TRRAP: variants seen among roughly 807,000 people sequenced by gnomAD.
The protein encoded by TRRAP is transformation/transcription domain-associated protein.
In TRRAP, 41 loss-of-function variants were observed where a neutral mutation model predicts 438.8. The observed-to-expected ratio is 0.09, with a 90% CI of 0.07 to 0.12. The LOEUF (loss-of-function observed/expected upper bound fraction) is 0.12. Among genes scored for constraint, TRRAP ranks in the 10% least tolerant of loss-of-function variants. TRRAP has a pLI of 1.00. For missense variants in TRRAP, 3,122 were observed against 5,055.1 expected, an observed-to-expected ratio of 0.62 and a Z score of 11.60; for synonymous variants, 1,994 against 1,962.9, an observed-to-expected ratio of 1.02 and a Z score of -0.42.
rs1382050303 is a variant in TRRAP, at chr7:98,903,444, A to T, written c.963A>T (p.Pro321=). ...KGMLQLLSNC[P]AETAHLRKEL... is the part of the protein sequence containing the mutation. ...TGCTCCAGTTACTTTCAAATTGTCC[A>T]GCAGAGACTGCACACCTCAGAAAGG... The change falls in exon 12 of 73, where the codon CCA becomes CCT. Residue 321 remains proline (P), a synonymous_variant. Coordinates refer to ENST00000456197, the MANE Select transcript of TRRAP (RefSeq NM_001375524.1). 1 of 1,614,130 alleles carries T rather than the reference A, an allele frequency of 6.2e-7. No homozygotes were observed. Among genetic ancestry groups the T allele is most frequent in the African/African-American group, 1.3e-5 (1 of 74,942 alleles).
chr7:98,946,384 C>T (rs1435843539), intron 33 of TRRAP, among the ~76,000 whole-genome samples: 1 of 152,120 alleles, frequency 6.6e-6, no homozygotes, highest in Non-Finnish European at 1.5e-5. Flanking sequence ...CACTCACCCA[C>T]CCAGTCCCCT....
rs1554408648 is a variant in TRRAP at position 98,911,148 on chromosome 7, G to A, written c.1884G>A (p.Glu628=). The A allele has an allele frequency of 6.2e-7, 1 of 1,614,084 alleles. No individual in the cohort carries two copies. Among genetic ancestry groups the A allele is most frequent in the African/African-American group, 1.3e-5 (1 of 74,934 alleles). ...GCCAGACTGTGAGAATGAAAGAGGA[G>A]AAGGAGGTATTGGAGCATTTCGCTG... ...ANCQTVRMKE[E]KEVLEHFAGV... The change falls in exon 17 of 73, where the codon GAG becomes GAA. Residue 628 remains glutamate, a synonymous_variant. Coordinates refer to ENST00000456197, the MANE Select transcript of TRRAP (RefSeq NM_001375524.1).
At chr7:98,952,968 A>G (rs1791404845) in intron 39 of TRRAP, among the ~76,000 whole-genome samples, 199 bp from the exon 40 acceptor site, 3 of 151,894 alleles carry the variant, frequency 2.0e-5, no homozygotes, top group South Asian at 4.2e-4. Flanking sequence ...CTCCTTTCAC[A>G]TATATGTGAA....
intron 58 of TRRAP, 86 bp downstream of exon 58, chr7:98,978,990 CA>C: frequency 6.4e-7 from 1 of 1,556,826 alleles, no homozygotes; most frequent in Non-Finnish European, 8.7e-7. Flanking sequence ...TCCCTTAGAA[CA>C]AGCATTTTGG....
In TRRAP at chr7:98,910,234, C is replaced by T. The variant is rs541711765; in HGVS notation, c.1529C>T (p.Pro510Leu). 1.7e-5 allele frequency: 24 copies of T among 1,435,436 alleles called. No individual in the cohort carries two copies. The African/African-American group carries it at 2.0e-4, about 12-fold the overall frequency. The allele number at this position is 1,435,436 out of a possible 1,614,324, so 88.9% of individuals were successfully genotyped here. A position where few individuals can be genotyped will look rare whatever the true frequency, so the allele number is the denominator to read the frequency against. ...PAPVPAPPPP[P>L]PPPPPATPVT... is the part of the protein sequence containing the mutation. The stretch of plus-strand genomic sequence containing the variant: ...CCTGTCCCTGCCCCACCTCCACCCC[C>T]GCCCCCACCCCCACCTGCCACCCCT... The change falls in exon 15 of 73, where the codon CCG (proline) becomes CTG (leucine). Residue 510 changes from proline (P) to leucine (L), a missense_variant. Around this residue, in one of 24 missense-constraint regions of TRRAP, gnomAD observed 115 missense variants for 124.6 expected, o/e 0.92. Transcript: ENST00000456197.
intron 2 of TRRAP, 78 bp from the exon 3 acceptor site, chr7:98,881,897 T>C (rs545534462): frequency 6.6e-6 from 10 of 1,504,122 alleles, no homozygotes; most frequent in Non-Finnish European, 8.2e-6. Flanking sequence ...TCTCTTAAAT[T>C]ACTAAATCCA....
Position 98,886,391 on chromosome 7 carries a change from GAGAT to G in TRRAP, c.151-3938_151-3935del, listed in dbSNP as rs1391203678. Among the ~76,000 whole-genome samples, 28 of 150,068 alleles carry G rather than the reference GAGAT, an allele frequency of 1.9e-4. 1 individual carries two copies. The South Asian group carries it at 2.3e-3, about 12-fold the overall frequency. On this transcript the variant is annotated intron_variant, in intron 3 of 72. Coordinates refer to ENST00000456197, the MANE Select transcript of TRRAP (RefSeq NM_001375524.1). The stretch of plus-strand genomic sequence containing the variant: ...ATAGATATAGATATCTAGAGAGATA[GAGAT>G]AGATATAGATATCTAGAGAGATATG...
At chr7:98,933,435 G>C (rs782605323) in intron 27 of TRRAP, 33 bp downstream of exon 27, 2 of 1,595,118 alleles carry the variant, frequency 1.3e-6, no homozygotes, top group East Asian at 4.5e-5. Flanking sequence ...TGGTGTGGAT[G>C]GTGATGACGT....
chr7:98,937,066 A>AAAT (rs1301144245), intron 28 of TRRAP, 90 bp from the exon 29 acceptor site: 6 of 1,426,520 alleles, frequency 4.2e-6, no homozygotes, highest in Admixed American at 2.4e-5. Flanking sequence ...CTTCTCTACC[A>AAAT]AATAATAATA....
chr7:98,910,959 T>C (rs1789240925), intron 16 of TRRAP, 118 bp from the exon 17 acceptor site: 1 of 811,464 alleles, frequency 1.2e-6, no homozygotes, highest in African/African-American at 1.8e-5. Context: ...GAGGGGGACA[T>C]TTGTTATCTA....
chr7:98,942,069 G>A (rs970791235), intron 30 of TRRAP, among the ~76,000 whole-genome samples: 3 of 152,214 alleles, frequency 2.0e-5, no homozygotes, highest in African/African-American at 7.2e-5. Flanking sequence ...TCTTCTTGTG[G>A]TTTTAGCTTT....
intron 19 of TRRAP, among the ~76,000 whole-genome samples, chr7:98,917,074 A>C (rs1398346947): frequency 1.3e-5 from 2 of 152,198 alleles, no homozygotes; most frequent in African/African-American, 4.8e-5. Flanking sequence ...AATACAAAAA[A>C]ATTAGTTTTA....
chr7:98,960,761 G>T (rs1280680322), intron 45 of TRRAP, among the ~76,000 whole-genome samples: 6 of 15,586 alleles, frequency 3.8e-4, no homozygotes, highest in Admixed American at 5.0e-3. Context: ...CTGGCTTTTT[G>T]TGTGTGTGTG....
chr7:98,926,146 A>G (rs1259573463), intron 22 of TRRAP, among the ~76,000 whole-genome samples: 2 of 152,230 alleles, frequency 1.3e-5, no homozygotes, highest in African/African-American at 4.8e-5. Flanking sequence ...GGAAAATTCA[A>G]GAGAGAGTAA....
chr7:98,926,887 T>G (rs915385398), intron 22 of TRRAP, among the ~76,000 whole-genome samples: 5 of 151,148 alleles, frequency 3.3e-5, no homozygotes, highest in Non-Finnish European at 5.9e-5. Flanking sequence ...GGCGTGGTGG[T>G]GGGCACCTGT....
intron 26 of TRRAP, among the ~76,000 whole-genome samples, chr7:98,932,515 A>AT (rs1217967007): frequency 2.7e-4 from 40 of 150,940 alleles, no homozygotes; most frequent in South Asian, 6.3e-4. Context: ...TTTTCCAGCT[A>AT]TTTTTTTTTA....
At position 98,976,898 on chromosome 7, in the gene TRRAP, C is replaced by G. The variant is rs199749915; in HGVS notation, c.8248-41C>G. 2.5e-5 allele frequency: 40 copies of G among 1,609,198 alleles called. No individual in the cohort carries two copies. The East Asian group carries it at 8.5e-4, about 34-fold the overall frequency. On this transcript the variant is annotated intron_variant, in intron 55 of 72. Coordinates refer to ENST00000456197, the MANE Select transcript of TRRAP (RefSeq NM_001375524.1). The surrounding 1 kb of genome is among the most constrained non-coding windows in gnomAD (Gnocchi z 4.6). ...ACTATTTTTAGGGGGGAAAAAAAGTCTCTGTCTCAAGCACTCAGGAACCTT... is the reference window on the plus strand; with the variant it reads ...ACTATTTTTAGGGGGGAAAAAAAGTGTCTGTCTCAAGCACTCAGGAACCTT...
At chr7:98,992,455 C>G (rs1221778342) in intron 65 of TRRAP, among the ~76,000 whole-genome samples, 2 of 152,178 alleles carry the variant, frequency 1.3e-5, no homozygotes, top group Middle Eastern at 3.2e-3. Context: ...GTGATTTGAT[C>G]TATAGGTAGA....
chr7:98,902,713 T>C (rs1488788048), intron 11 of TRRAP, among the ~76,000 whole-genome samples: 1 of 152,124 alleles, frequency 6.6e-6, no homozygotes, highest in African/African-American at 2.4e-5. Context: ...GAGCCTGTTC[T>C]GAGTTGGCTC....
Sources: allele counts gnomAD v4.1 joint callset (sites outside exome capture counted in the v4.1 genomes callset), GRCh38; gene constraint gnomAD v4.1.1; regional missense constraint gnomAD v4.1.1; non-coding constraint Gnocchi (gnomAD v3.1); transcripts MANE v1.5; gene names NCBI Gene and HGNC (gene_info 2026-07-23, HGNC 2026-07-21).